The following ANXA4 variants were observed in gnomAD, a reference collection of about 807,000 sequenced individuals.
ANXA4 encodes 35-beta calcimedin.
Under a neutral mutation model 49.8 loss-of-function variants are expected in ANXA4, and 39 were observed. The ratio of observed to expected loss-of-function variants is 0.78; its 90% CI spans 0.61 to 1.02. The LOEUF (loss-of-function observed/expected upper bound fraction) is 1.02, where lower values mean the gene tolerates loss of function less well. Among genes scored for constraint, ANXA4 ranks in the 50% least tolerant of loss-of-function variants. The pLI is 0.00. For synonymous variants in ANXA4, 134 were observed against 152.5 expected, an observed-to-expected ratio of 0.88 and a Z score of 0.89; for missense variants, 360 against 410.1, an observed-to-expected ratio of 0.88 and a Z score of 1.05.
chr2:69,747,647 C>G (rs1193510801), intron 1 of ANXA4, among the ~76,000 whole-genome samples: 3 of 152,160 alleles, frequency 2.0e-5, no homozygotes, highest in Non-Finnish European at 4.4e-5. Flanking sequence ...ACAGGTTGAG[C>G]AATGTGTAAT....
At chr2:69,810,443 T>G in intron 6 of ANXA4, 151 bp from the exon 7 acceptor site, 1 of 633,868 alleles carries the variant, frequency 1.6e-6, no homozygotes, top group Non-Finnish European at 2.9e-6. Context: ...CAGAGTTTAG[T>G]TTTTGAAAAA....
At chr2:69,752,616 T>G (rs1670890638) in intron 1 of ANXA4, among the ~76,000 whole-genome samples, 1 of 152,226 alleles carries the variant, frequency 6.6e-6, no homozygotes, top group South Asian at 2.1e-4. Context: ...TGTTCACACC[T>G]TATTATATCT....
At chr2:69,779,839 A>T (rs993454145) in intron 1 of ANXA4, among the ~76,000 whole-genome samples, 8 of 152,030 alleles carry the variant, frequency 5.3e-5, no homozygotes, top group Non-Finnish European at 1.2e-4. Flanking sequence ...GCATTTCCTC[A>T]TTATTCCTGA....
intron 6 of ANXA4, chr2:69,808,594 A>G (rs905019259): frequency 6.5e-6 from 1 of 153,052 alleles, no homozygotes; most frequent in African/African-American, 2.4e-5. Flanking sequence ...TAAACAAAAT[A>G]TTATACACTT....
At chr2:69,690,844 A>G (rs940218807) in intron 2 of ANXA4, among the ~76,000 whole-genome samples, 1 of 152,224 alleles carries the variant, frequency 6.6e-6, no homozygotes, top group African/African-American at 2.4e-5. Context: ...CGGTTGCTCT[A>G]TTAAGCACCA....
intron 2 of ANXA4, among the ~76,000 whole-genome samples, chr2:69,654,230 A>G (rs551457887): frequency 6.6e-6 from 1 of 152,346 alleles, no homozygotes; most frequent in African/African-American, 2.4e-5. Context: ...TCGTCTGCAA[A>G]CAGAGACAAT....
At chr2:69,725,395 T>A (rs1042830822) in intron 3 of ANXA4, among the ~76,000 whole-genome samples, 2 of 148,456 alleles carry the variant, frequency 1.3e-5, no homozygotes, top group African/African-American at 4.9e-5. Context: ...TATATATAAA[T>A]ACATGGTATA....
At position 69,806,377 on chromosome 2, in the gene ANXA4, C is replaced by T. The variant is rs766488899; in HGVS notation, c.193-8C>T. 1.2e-6 allele frequency: 2 copies of T among 1,604,748 alleles called. No individual in the cohort carries two copies. Among genetic ancestry groups the T allele is most frequent in the Admixed American group, 3.3e-5 (2 of 60,006 alleles). On this transcript the variant is annotated splice_polypyrimidine_tract_variant and splice_region_variant and intron_variant, in intron 4 of 12. Coordinates refer to ENST00000394295, the MANE Select transcript of ANXA4 (RefSeq NM_001153.5). ...GCAGTTAAGCGGAGCTACTTTCTTG[C>T]ATTGCAGGACTTGATAGACGACCTG...
intron 2 of ANXA4, among the ~76,000 whole-genome samples, chr2:69,656,378 TG>T: frequency 1.3e-5 from 1 of 74,586 alleles, no homozygotes; most frequent in African/African-American, 3.9e-5. Flanking sequence ...TGTATATATG[TG>T]TATATATATG....
At chr2:69,676,186 T>C (rs1402645087) in intron 2 of ANXA4, among the ~76,000 whole-genome samples, 1 of 152,088 alleles carries the variant, frequency 6.6e-6, no homozygotes, top group African/African-American at 2.4e-5. Flanking sequence ...AGAAATATAT[T>C]AATGTTAAAA....
intron 2 of ANXA4, among the ~76,000 whole-genome samples, chr2:69,675,109 A>G (rs1024621072): frequency 3.9e-5 from 6 of 152,074 alleles, no homozygotes; most frequent in Non-Finnish European, 7.4e-5. Context: ...TTTGTAGTAG[A>G]GACGGGGTTT....
intron 2 of ANXA4, among the ~76,000 whole-genome samples, chr2:69,684,762 A>T (rs1359740790): frequency 6.6e-6 from 1 of 151,994 alleles, no homozygotes; most frequent in Non-Finnish European, 1.5e-5. Flanking sequence ...AATGGGGGAC[A>T]TAGAGAAAAC....
chr2:69,794,762 C>T (rs1672865536), intron 3 of ANXA4, among the ~76,000 whole-genome samples: 1 of 152,050 alleles, frequency 6.6e-6, no homozygotes. Flanking sequence ...GACGGGGTTT[C>T]ACCGTGTTAG....
rs201137781 is a variant in ANXA4, at chr2:69,804,523, C to T, written c.98-10C>T. The T allele has an allele frequency of 6.0e-4, 964 of 1,611,434 alleles. 4 individuals carry two copies. The highest frequency in any genetic ancestry group is 5.5e-4 in the Non-Finnish European group (647 of 1,177,976). On this transcript the variant is annotated splice_polypyrimidine_tract_variant and intron_variant, in intron 3 of 12. Transcript: ENST00000394295. ...ATCACACTTACCTGCTGTCTCCCTT[C>T]TTCCCCCAGGCACCGATGAAGACGC...
intron 2 of ANXA4, among the ~76,000 whole-genome samples, chr2:69,673,687 GAC>G (rs72114703): frequency 0.32 from 44,796 of 138,852 alleles, 7,002 homozygotes; most frequent in East Asian, 0.45. Context: ...TTTTTTCAAA[GAC>G]ACACACACAC....
rs566165180 is a variant in ANXA4, at chr2:69,794,495, A to G, written c.97+6354A>G. Among the ~76,000 whole-genome samples the G allele has an allele frequency of 7.9e-5, 9 of 113,722 alleles. No homozygotes were observed. In the East Asian group the frequency reaches 2.5e-3, roughly 31 times the overall value. The allele number at this position is 113,722 out of a possible 152,430, so 74.6% of individuals were successfully genotyped here. A position where few individuals can be genotyped will look rare whatever the true frequency, so the allele number is the denominator to read the frequency against. On this transcript the variant is annotated intron_variant, in intron 3 of 12. Coordinates refer to ENST00000394295, the MANE Select transcript of ANXA4 (RefSeq NM_001153.5). ...CCCCATGGAAAGACTGAGGGCTGGT[A>G]TGTTATGTTATATTATGTTATGTTA...
intron 2 of ANXA4, among the ~76,000 whole-genome samples, chr2:69,710,616 G>A (rs1206175740): frequency 6.6e-6 from 1 of 151,970 alleles, no homozygotes; most frequent in Non-Finnish European, 1.5e-5. Context: ...ATTATAAAAA[G>A]ACAAATGAGT....
Position 69,786,363 on chromosome 2 carries a change from C to T in ANXA4, c.10-1691C>T, listed in dbSNP as rs1391389542. 4.6e-5 allele frequency among the ~76,000 whole-genome samples: 7 copies of T among 152,176 alleles called. No individual in the cohort carries two copies. The East Asian group carries it at 1.3e-3, about 29-fold the overall frequency. ...TTAACTATTTCACCCTAGTCTAGCT[C>T]ATATCCCACCCCCAGATCTTGGCCC... On this transcript the variant is annotated intron_variant, in intron 2 of 12. Coordinates refer to ENST00000394295, the MANE Select transcript of ANXA4 (RefSeq NM_001153.5).
intron 1 of ANXA4, among the ~76,000 whole-genome samples, chr2:69,648,788 T>TC (rs1035926468): frequency 1.2e-4 from 14 of 118,176 alleles, no homozygotes; most frequent in African/African-American, 4.0e-4. Context: ...ACCACTGCAC[T>TC]CCATCTGGGG....
Sources: gnomAD v4.1 joint callset for allele counts (sites outside exome capture counted in the v4.1 genomes callset) on GRCh38, gnomAD v4.1.1 for gene constraint, MANE v1.5 for transcripts, NCBI Gene and HGNC (gene_info 2026-07-23, HGNC 2026-07-21) for gene names.